The following DSCAM variants were observed in gnomAD, a reference collection of about 807,000 sequenced individuals.
DSCAM encodes DS cell adhesion molecule.
DSCAM carries 47 observed loss-of-function variants against 217.7 expected under a neutral mutation model. That is an observed-to-expected ratio of 0.22 (90% CI 0.17 to 0.28). The LOEUF is 0.28. Ranked by LOEUF, DSCAM falls within the 10% of genes least tolerant of loss-of-function variation. DSCAM has a pLI of 1.00. For synonymous variants in DSCAM, 1,056 were observed against 1,015.3 expected, an observed-to-expected ratio of 1.04 and a Z score of -0.76; for missense variants, 2,080 against 2,618.3, an observed-to-expected ratio of 0.79 and a Z score of 4.49.
chr21:40,702,263 C>A (rs1327355836), intron 2 of DSCAM, among the ~76,000 whole-genome samples: 3 of 152,106 alleles, frequency 2.0e-5, no homozygotes, highest in African/African-American at 7.2e-5. Flanking sequence ...TGCCATTATG[C>A]ATACAACTTA....
rs1033751713 is a variant in DSCAM, at chr21:40,101,857, G to A, written c.3697-7983C>T. Among the ~76,000 whole-genome samples, 7 of 152,078 alleles carry A rather than the reference G, an allele frequency of 4.6e-5. 1 individual carries two copies. The highest frequency in any genetic ancestry group is 3.9e-4 in the Admixed American group (6 of 15,268). ...CTGTGGATAAGGGATGTTGGCGAGAGTTATAGGACCCCATGAGCCAGACAT... is the reference window on the plus strand; with the variant it reads ...CTGTGGATAAGGGATGTTGGCGAGAATTATAGGACCCCATGAGCCAGACAT... On this transcript the variant is annotated intron_variant, in intron 20 of 32. Coordinates refer to ENST00000400454, the MANE Select transcript of DSCAM (RefSeq NM_001389.5).
Position 40,093,842 on chromosome 21 carries a change from C to A in DSCAM, c.3729G>T (p.Ser1243=), listed in dbSNP as rs776797984. The A allele has an allele frequency of 6.2e-7, 1 of 1,613,850 alleles. No homozygotes were observed. The highest frequency in any genetic ancestry group is 8.5e-7 in the Non-Finnish European group (1 of 1,179,940). Reference sequence around the variant, plus strand: ...TCAGGTTGGGAATTCTGTAGGAAAACGAGTCGGGAGAGGCCTCAAACTCGC... The same window carrying A: ...TCAGGTTGGGAATTCTGTAGGAAAAAGAGTCGGGAGAGGCCTCAAACTCGC... The part of the protein sequence containing the change: ...VISEFEASPD[S]FSYRIPNLSR... The change falls in exon 21 of 33, where the codon TCG becomes TCT. Residue 1243 remains serine, a synonymous_variant. Coordinates refer to ENST00000400454, the MANE Select transcript of DSCAM (RefSeq NM_001389.5).
chr21:40,725,665 C>T (rs543932442), intron 1 of DSCAM, among the ~76,000 whole-genome samples: 5 of 152,290 alleles, frequency 3.3e-5, no homozygotes, highest in South Asian at 4.1e-4. Flanking sequence ...CGAAGGCAGA[C>T]CTCTGTGGAG....
At chr21:40,080,058 A>C in intron 25 of DSCAM, 94 bp downstream of exon 25, 1 of 1,192,006 alleles carries the variant, frequency 8.4e-7, no homozygotes, top group South Asian at 1.5e-5. Context: ...TCAAACACAT[A>C]AACGTAAAAC....
At chr21:40,077,444 C>G (rs956102305) in intron 26 of DSCAM, among the ~76,000 whole-genome samples, 1 of 152,208 alleles carries the variant, frequency 6.6e-6, no homozygotes, top group Non-Finnish European at 1.5e-5. Context: ...AATGTCACCT[C>G]ATTAGCTCCT....
At chr21:40,397,552 T>C (rs1037443467) in intron 3 of DSCAM, among the ~76,000 whole-genome samples, 1 of 152,106 alleles carries the variant, frequency 6.6e-6, no homozygotes, top group East Asian at 1.9e-4. Context: ...TAAACCTCTT[T>C]TCTTTCTAAA....
intron 11 of DSCAM, among the ~76,000 whole-genome samples, chr21:40,265,351 T>C (rs377756737): frequency 6.6e-6 from 1 of 151,870 alleles, no homozygotes; most frequent in South Asian, 2.1e-4. Context: ...AAATCATAGA[T>C]GACAAACAAA....
chr21:40,395,751 G>A (rs916784515), intron 3 of DSCAM, among the ~76,000 whole-genome samples: 2 of 152,052 alleles, frequency 1.3e-5, no homozygotes, highest in Non-Finnish European at 2.9e-5. Flanking sequence ...AGATTTTTTA[G>A]TGTTCACAGT....
intron 3 of DSCAM, among the ~76,000 whole-genome samples, chr21:40,549,883 T>C (rs1429319853): frequency 1.3e-5 from 2 of 152,202 alleles, no homozygotes; most frequent in Non-Finnish European, 2.9e-5. Context: ...GAAAATGTGC[T>C]GGCTAAGTCA....
intron 3 of DSCAM, among the ~76,000 whole-genome samples, chr21:40,490,258 G>A (rs1261074728): frequency 6.6e-6 from 1 of 152,168 alleles, no homozygotes; most frequent in African/African-American, 2.4e-5. Flanking sequence ...AATGCAAAAT[G>A]AGATTTGGGT....
chr21:40,518,969 T>C (rs1425538529), intron 3 of DSCAM, among the ~76,000 whole-genome samples: 1 of 152,130 alleles, frequency 6.6e-6, no homozygotes, highest in Non-Finnish European at 1.5e-5. Context: ...ATAAATATTG[T>C]AGGTAATTGG....
At chr21:40,581,169 G>T (rs567444801) in intron 3 of DSCAM, among the ~76,000 whole-genome samples, 1 of 152,294 alleles carries the variant, frequency 6.6e-6, no homozygotes, top group East Asian at 1.9e-4. Context: ...TCCTTTAAAC[G>T]AAGAAGCATA....
intron 3 of DSCAM, among the ~76,000 whole-genome samples, chr21:40,675,467 C>G (rs1196314388): frequency 1.3e-5 from 2 of 152,192 alleles, no homozygotes; most frequent in Non-Finnish European, 2.9e-5. Flanking sequence ...ATAGAATCCC[C>G]ACGCCAATAA....
At chr21:40,222,809 A>G (rs2091300172) in intron 11 of DSCAM, among the ~76,000 whole-genome samples, 1 of 152,238 alleles carries the variant, frequency 6.6e-6, no homozygotes, top group Non-Finnish European at 1.5e-5. Flanking sequence ...GGAATCTTCA[A>G]GAATTTTTAA....
chr21:40,839,077 T>C (rs780603484), intron 1 of DSCAM, among the ~76,000 whole-genome samples: 2 of 152,180 alleles, frequency 1.3e-5, no homozygotes, highest in African/African-American at 2.4e-5. Context: ...GACACACACA[T>C]ACAAAATCCA....
At chr21:40,712,665 C>T (rs1050654141) in intron 1 of DSCAM, among the ~76,000 whole-genome samples, 20 of 152,074 alleles carry the variant, frequency 1.3e-4, no homozygotes, top group African/African-American at 4.8e-4. Flanking sequence ...TCTCATAATT[C>T]ATGTGGTATG....
chr21:40,528,387 C>T (rs1326480730), intron 3 of DSCAM, among the ~76,000 whole-genome samples: 1 of 152,026 alleles, frequency 6.6e-6, no homozygotes, highest in African/African-American at 2.4e-5. Flanking sequence ...TAATTACTGG[C>T]CTGTTATTTT....
intron 3 of DSCAM, among the ~76,000 whole-genome samples, chr21:40,535,742 G>T (rs1338398761): frequency 6.6e-6 from 1 of 152,136 alleles, no homozygotes; most frequent in Non-Finnish European, 1.5e-5. Context: ...ACATGCTAAA[G>T]GTTGGTGGTT....
Position 40,312,095 on chromosome 21 carries a change from T to C in DSCAM, c.2048A>G (p.Gln683Arg), listed in dbSNP as rs2074144930. The part of the protein sequence containing the change: ...NEAAAVEHQS[Q>R]LIVRVPPKFV... Reference sequence around the variant, plus strand: ...CCTTTGCTCACCTCTGACAATCAACTGGCTTTGGTGCTCCACAGCGGCGGC... The same window carrying C: ...CCTTTGCTCACCTCTGACAATCAACCGGCTTTGGTGCTCCACAGCGGCGGC... Residue 683 changes from glutamine (Q) to arginine (R), a missense_variant, in exon 9 of 33, where the codon CAG becomes CGG. Physicochemically the swap from Gln to Arg is conservative, Grantham distance 43 (BLOSUM62 1). This residue lies in a region of DSCAM where 218 missense variants were observed against 364.1 expected (regional missense o/e 0.60). Coordinates refer to ENST00000400454, the MANE Select transcript of DSCAM (RefSeq NM_001389.5). 6.2e-7 allele frequency: 1 copy of C among 1,613,832 alleles called. No homozygotes were observed. Among genetic ancestry groups the C allele is most frequent in the Non-Finnish European group, 8.5e-7 (1 of 1,179,718 alleles).
Sources: gnomAD v4.1 joint callset for allele counts (sites outside exome capture counted in the v4.1 genomes callset) on GRCh38, gnomAD v4.1.1 for gene constraint, gnomAD v4.1.1 regional missense constraint, MANE v1.5 for transcripts, NCBI Gene and HGNC (gene_info 2026-07-23, HGNC 2026-07-21) for gene names.